ERC2: variants seen among roughly 807,000 people sequenced by gnomAD.
The protein encoded by ERC2 is ELKS/RAB6-interacting/CAST family member 2, also known as ERC protein 2.
A neutral mutation model predicts 114.8 loss-of-function variants in ERC2; 42 were observed. That is an observed-to-expected ratio of 0.37 (90% confidence interval 0.29 to 0.47). The LOEUF (loss-of-function observed/expected upper bound fraction) is 0.47. ERC2 is among the 20% of genes least tolerant of loss of function. The probability of loss-of-function intolerance (pLI) is 0.99; values close to 1 mark genes in which losing one functional copy is unlikely to be tolerated. For missense variants in ERC2, 939 were observed against 1,150.7 expected (o/e 0.82, Z 2.66); for synonymous variants, 454 against 425.5 (o/e 1.07, Z -0.82).
At chr3:55,730,389 G>A (rs1332967494) in intron 15 of ERC2, among the ~76,000 whole-genome samples, 1 of 152,148 alleles carries the variant, frequency 6.6e-6, no homozygotes, top group Admixed American at 6.5e-5. Flanking sequence ...TTGATTATAA[G>A]GAAAAAATGA....
intron 15 of ERC2, among the ~76,000 whole-genome samples, chr3:55,730,109 G>A (rs1381655551): frequency 2.0e-5 from 3 of 152,052 alleles, no homozygotes; most frequent in Non-Finnish European, 4.4e-5. Flanking sequence ...TGAGGTATGG[G>A]GGCTGATCAT....
At chr3:56,107,814 C>T (rs1026655582) in intron 6 of ERC2, among the ~76,000 whole-genome samples, 3 of 152,172 alleles carry the variant, frequency 2.0e-5, no homozygotes, top group Non-Finnish European at 4.4e-5. Context: ...GTAACTGATT[C>T]CTACTGTAAT....
At chr3:56,405,247 C>T (rs971725859) in intron 2 of ERC2, among the ~76,000 whole-genome samples, 6 of 152,044 alleles carry the variant, frequency 3.9e-5, no homozygotes, top group Non-Finnish European at 8.8e-5. Context: ...AGTTTGAGAC[C>T]AGCCTGGTCA....
At chr3:56,461,437 A>G (rs2063314678) in intron 1 of ERC2, among the ~76,000 whole-genome samples, 1 of 152,180 alleles carries the variant, frequency 6.6e-6, no homozygotes, top group East Asian at 1.9e-4. Flanking sequence ...GCTCCATCTC[A>G]ACACACATTT....
intron 6 of ERC2, among the ~76,000 whole-genome samples, chr3:56,116,386 TC>T (rs1207250267): frequency 1.3e-5 from 2 of 152,018 alleles, no homozygotes; most frequent in Admixed American, 1.3e-4. Flanking sequence ...GTCAAACTTG[TC>T]CCCCAGGTAA....
intron 17 of ERC2, among the ~76,000 whole-genome samples, chr3:55,559,973 G>A (rs2362203): frequency 0.39 from 58,628 of 152,064 alleles, 11,453 homozygotes; most frequent in South Asian, 0.52. Flanking sequence ...TACCCTTGGA[G>A]CAAGGTGGGA....
At chr3:55,842,480 C>T (rs111800302) in intron 14 of ERC2, among the ~76,000 whole-genome samples, 7 of 152,224 alleles carry the variant, frequency 4.6e-5, no homozygotes, top group African/African-American at 7.2e-5. Flanking sequence ...TTCAGCTGTC[C>T]GGCACCCCTG....
intron 14 of ERC2, among the ~76,000 whole-genome samples, chr3:55,783,904 T>A (rs1264851817): frequency 6.6e-6 from 1 of 152,232 alleles, no homozygotes; most frequent in African/African-American, 2.4e-5. Flanking sequence ...TTGGCTTCCA[T>A]GACATCTCTC....
chr3:55,689,085 A>C (rs947423176), intron 16 of ERC2, among the ~76,000 whole-genome samples: 1 of 152,170 alleles, frequency 6.6e-6, no homozygotes, highest in Admixed American at 6.5e-5. Context: ...AGAGGCAGGT[A>C]CTGGAGAATC....
chr3:55,894,254 T>C (rs2063741656), intron 13 of ERC2, among the ~76,000 whole-genome samples: 1 of 152,190 alleles, frequency 6.6e-6, no homozygotes, highest in East Asian at 1.9e-4. Context: ...TTTACCTTCA[T>C]GAAAGAACCT....
intron 2 of ERC2, among the ~76,000 whole-genome samples, chr3:56,388,733 C>T (rs1263022555): frequency 6.6e-6 from 1 of 152,118 alleles, no homozygotes; most frequent in Non-Finnish European, 1.5e-5. Context: ...GTATCATTTT[C>T]TACTTTGTAC....
At chr3:55,840,206 G>T (rs1247073049) in intron 14 of ERC2, among the ~76,000 whole-genome samples, 1 of 151,866 alleles carries the variant, frequency 6.6e-6, no homozygotes, top group African/African-American at 2.4e-5. Flanking sequence ...CCCACACTAG[G>T]TGAAAAGATT....
At chr3:56,440,597 C>T (rs1251251786) in intron 1 of ERC2, among the ~76,000 whole-genome samples, 1 of 150,354 alleles carries the variant, frequency 6.7e-6, no homozygotes, top group Non-Finnish European at 1.5e-5. Flanking sequence ...TTGACTCCTG[C>T]TGTAATCCCA....
At chr3:55,698,977 A>T (rs901544954) in intron 16 of ERC2, among the ~76,000 whole-genome samples, 35 of 152,176 alleles carry the variant, frequency 2.3e-4, no homozygotes, top group Admixed American at 2.2e-3. Context: ...AATTTGCATC[A>T]CTAAAGAATT....
intron 15 of ERC2, among the ~76,000 whole-genome samples, chr3:55,705,268 A>G (rs1280267465): frequency 6.6e-6 from 1 of 152,172 alleles, no homozygotes; most frequent in African/African-American, 2.4e-5. Context: ...TAAGATTTGA[A>G]AGTTGGCTTG....
chr3:55,603,575 T>C (rs532633993), intron 17 of ERC2, among the ~76,000 whole-genome samples: 232 of 144,930 alleles, frequency 1.6e-3, no homozygotes, highest in African/African-American at 5.6e-3. Flanking sequence ...TGCAAGCAGG[T>C]GGAGCTTGCA....
chr3:56,368,325 T>C (rs890099430), intron 2 of ERC2, among the ~76,000 whole-genome samples: 1 of 152,078 alleles, frequency 6.6e-6, no homozygotes, highest in African/African-American at 2.4e-5. Context: ...TTTTCAGAGA[T>C]CATTGGTAGC....
At chr3:55,698,026 A>C (rs2148820300) in intron 16 of ERC2, among the ~76,000 whole-genome samples, 1 of 151,988 alleles carries the variant, frequency 6.6e-6, no homozygotes, top group Non-Finnish European at 1.5e-5. Flanking sequence ...TGAATAAATA[A>C]AACCAAAACA....
intron 12 of ERC2, among the ~76,000 whole-genome samples, chr3:55,952,173 AC>A (rs2067596353): frequency 1.8e-5 from 1 of 56,066 alleles, no homozygotes; most frequent in East Asian, 4.3e-4. Context: ...ACACACACAC[AC>A]ACACACTCTC....
Sources: allele counts gnomAD v4.1 joint callset (sites outside exome capture counted in the v4.1 genomes callset), GRCh38; gene constraint gnomAD v4.1.1; transcripts MANE v1.5; gene names NCBI Gene and HGNC (gene_info 2026-07-23, HGNC 2026-07-21).